TRAP1: variants seen among roughly 807,000 people sequenced by gnomAD.
TRAP1 encodes the protein TNF receptor associated protein 1, also known as heat shock protein 75 kDa, mitochondrial.
In TRAP1, 102 loss-of-function variants were observed where a neutral mutation model predicts 89.1. The observed-to-expected ratio is 1.15, with a 90% CI of 0.98 to 1.35. The LOEUF is 1.35. TRAP1 is among the 40% of genes most tolerant of loss of function. TRAP1 has a pLI of 0.00. For missense variants in TRAP1, 1,256 were observed against 945.3 expected (o/e 1.33, Z -4.31); for synonymous variants, 508 against 388.0 (o/e 1.31, Z -3.64).
In TRAP1 at chr16:3,676,092, A is replaced by G. The variant is rs1567231298; in HGVS notation, c.758T>C (p.Ile253Thr). Residue 253 changes from isoleucine (I) to threonine (T), a missense_variant, in exon 7 of 18, where the codon ATC (isoleucine) becomes ACC (threonine). Transcript: ENST00000246957. Reference protein sequence around the residue: ...EASGVRTGTKIIIHLKSDCKE... With the variant: ...EASGVRTGTKTIIHLKSDCKE... ...GCAGTCGGATTTCAGGTGGATGATG[A>G]TTTTTGTCCCGGTTCTAACTCCCGA... The G allele has an allele frequency of 6.2e-7, 1 of 1,613,736 alleles. No homozygotes were observed. Among genetic ancestry groups the G allele is most frequent in the Admixed American group, 1.7e-5 (1 of 59,964 alleles).
At chr16:3,668,508 G>A (rs191816689) in intron 11 of TRAP1, among the ~76,000 whole-genome samples, 4 of 152,308 alleles carry the variant, frequency 2.6e-5, no homozygotes, top group Admixed American at 2.6e-4. Flanking sequence ...CAAAGGCATC[G>A]AGAAGGCAAC....
intron 9 of TRAP1, 123 bp downstream of exon 9, chr16:3,674,216 C>T (rs2050955252): frequency 7.4e-6 from 10 of 1,343,872 alleles, no homozygotes; most frequent in South Asian, 4.2e-5. Context: ...CCACCACACC[C>T]AGCACTACCT....
intron 1 of TRAP1, among the ~76,000 whole-genome samples, chr16:3,699,587 T>A (rs970415794): frequency 6.9e-6 from 1 of 144,180 alleles, no homozygotes; most frequent in African/African-American, 2.6e-5. Context: ...GATTGTGCCA[T>A]TGCACTCCAG....
intron 15 of TRAP1, chr16:3,662,455 G>C (rs2043138395): frequency 1.9e-6 from 1 of 535,660 alleles, no homozygotes; most frequent in Non-Finnish European, 3.4e-6. Context: ...CCATGCATGG[G>C]ACGCTCATTT....
At chr16:3,689,022 G>T in intron 3 of TRAP1, 33 bp downstream of exon 3, 1 of 1,568,244 alleles carries the variant, frequency 6.4e-7, no homozygotes. Flanking sequence ...AAGAAACTTT[G>T]CTAGCATCGG....
At chr16:3,661,752 T>C in intron 16 of TRAP1, 1 of 426,158 alleles carries the variant, frequency 2.3e-6, no homozygotes, top group Non-Finnish European at 4.0e-6. Flanking sequence ...AACGAGGACA[T>C]GGTCACAGGC....
At chr16:3,659,822 C>A (rs1261666699) in intron 16 of TRAP1, 1 of 152,004 alleles carries the variant, frequency 6.6e-6, no homozygotes, top group African/African-American at 2.4e-5. Context: ...ATGGCATGAT[C>A]TTGGCTCACC....
At position 3,690,879 on chromosome 16, in the gene TRAP1, C is replaced by T. The variant is rs769237178; in HGVS notation, c.195G>A (p.Glu65=). Residue 65 remains glutamate (E), a synonymous_variant, in exon 2 of 18, where the codon GAG becomes GAA. Coordinates refer to ENST00000246957, the MANE Select transcript of TRAP1 (RefSeq NM_016292.3). ...AGRLFSTQTA[E]DKEEPLHSII... ...TCGAGTGCAGGGGTTCCTCCTTGTC[C>T]TCGGCGGTCTGCGTGCTGAACAGTC... 5.7e-6 allele frequency: 9 copies of T among 1,586,626 alleles called. No individual in the cohort carries two copies. The highest frequency in any genetic ancestry group is 7.7e-6 in the Non-Finnish European group (9 of 1,166,740).
chr16:3,672,317 TC>T (rs1483591525), intron 10 of TRAP1, among the ~76,000 whole-genome samples: 1 of 152,082 alleles, frequency 6.6e-6, no homozygotes, highest in Non-Finnish European at 1.5e-5. Context: ...AGAGCAAGAC[TC>T]GTCTCAAAAA....
chr16:3,658,853 G>A lies in TRAP1; in HGVS notation c.1953C>T (p.Ile651=), dbSNP rs756385239. Residue 651 remains isoleucine, a synonymous_variant, in exon 17 of 18, where the codon ATC becomes ATT. Transcript: ENST00000246957. ...TTGCGCGCAGCTGATTCAGCTTCTT[G>A]ATGAGCGCGTGCCTGCAACACAGAA... is the stretch of plus-strand genomic sequence containing the variant. ...TLEINPRHAL[I]KKLNQLRASE... 1 of 1,614,068 alleles carries A rather than the reference G, an allele frequency of 6.2e-7. No homozygotes were observed. The highest frequency in any genetic ancestry group is 1.1e-5 in the South Asian group (1 of 91,082).
intron 4 of TRAP1, among the ~76,000 whole-genome samples, chr16:3,682,105 G>T (rs1482984059): frequency 1.3e-5 from 2 of 152,042 alleles, no homozygotes; most frequent in African/African-American, 4.8e-5. Context: ...AATTCAATGG[G>T]GGATGATAGG....
intron 1 of TRAP1, among the ~76,000 whole-genome samples, chr16:3,706,264 C>A (rs2051443892): frequency 6.6e-6 from 1 of 151,900 alleles, no homozygotes; most frequent in African/African-American, 2.4e-5. Context: ...CAGCTTCCAA[C>A]TTTTTACTGT....
intron 17 of TRAP1, 76 bp downstream of exon 17, chr16:3,658,717 G>T: frequency 1.5e-6 from 2 of 1,368,934 alleles, no homozygotes; most frequent in Non-Finnish European, 2.0e-6. Flanking sequence ...AGAGGAAACC[G>T]CTGTTCCACC....
chr16:3,674,348 C>A lies in TRAP1; in HGVS notation c.1035G>T (p.Val345=), dbSNP rs754588824. 6.2e-7 allele frequency: 1 copy of A among 1,613,942 alleles called. No homozygotes were observed. Residue 345 remains valine (V), a synonymous_variant, in exon 9 of 18, where the codon GTG becomes GTT. Transcript: ENST00000246957. ...TGCCACAGTGCCTCACCATGTCGGG[C>A]ACGTAGAAGATGCTGCGGATGTTGA... is the stretch of plus-strand genomic sequence containing the variant. ...APLNIRSIFY[V]PDMKPSMFDV... is the part of the protein sequence containing the mutation.
At chr16:3,715,298 CATG>C (rs902622846) in intron 1 of TRAP1, among the ~76,000 whole-genome samples, 9 of 152,050 alleles carry the variant, frequency 5.9e-5, no homozygotes, top group Non-Finnish European at 1.3e-4. Context: ...ATTAGCCAGG[CATG>C]GTGGTGGGCG....
At position 3,693,411 on chromosome 16, in the gene TRAP1, ACAT is replaced by A. The variant is rs1475794454; in HGVS notation, c.89-2429_89-2427del. Among the ~76,000 whole-genome samples the A allele has an allele frequency of 2.4e-4, 15 of 63,052 alleles. No individual in the cohort carries two copies. The East Asian group carries it at 0.017, about 72-fold the overall frequency. The allele number at this position is 63,052 out of a possible 152,430, so 41.4% of individuals were successfully genotyped here. ...TTAAAAAAAAAAAAAAAATCCCGGG[ACAT>A]TTCTTCTGGAATTAAATGGTATTTG... On this transcript the variant is annotated intron_variant, in intron 1 of 17. Coordinates refer to ENST00000246957, the MANE Select transcript of TRAP1 (RefSeq NM_016292.3).
At position 3,677,410 on chromosome 16, in the gene TRAP1, C is replaced by A. The variant is rs150963093; in HGVS notation, c.704+88G>T. 1.9e-6 allele frequency: 3 copies of A among 1,551,146 alleles called. No homozygotes were observed. In the African/African-American group the frequency reaches 4.1e-5, roughly 21 times the overall value. On this transcript the variant is annotated intron_variant, in intron 6 of 17. Coordinates refer to ENST00000246957, the MANE Select transcript of TRAP1 (RefSeq NM_016292.3). ...AAAAAGCCCAGAAAATGCCTGTGTACGTTTTCTGAGTCCATCCCTTTCCAA... is the reference window on the plus strand; with the variant it reads ...AAAAAGCCCAGAAAATGCCTGTGTAAGTTTTCTGAGTCCATCCCTTTCCAA...
chr16:3,682,950 C>A (rs1420212998), intron 4 of TRAP1, among the ~76,000 whole-genome samples: 1 of 151,926 alleles, frequency 6.6e-6, no homozygotes, highest in Non-Finnish European at 1.5e-5. Context: ...AGGCAGATCA[C>A]ACGAGGCCGG....
chr16:3,689,652 C>T (rs2051186326), intron 2 of TRAP1: 1 of 152,644 alleles, frequency 6.6e-6, no homozygotes, highest in African/African-American at 2.4e-5. Flanking sequence ...GCCTGGGCAA[C>T]ACAGAGGGAT....
Sources: gnomAD v4.1 joint callset for allele counts (sites outside exome capture counted in the v4.1 genomes callset) on GRCh38, gnomAD v4.1.1 for gene constraint, MANE v1.5 for transcripts, NCBI Gene and HGNC (gene_info 2026-07-23, HGNC 2026-07-21) for gene names.